The following CENPC variants were observed in gnomAD, a reference collection of about 807,000 sequenced individuals.
CENPC encodes CENP-C 1.
CENPC carries 63 observed loss-of-function variants against 112.1 expected under a neutral mutation model. That is an observed-to-expected ratio of 0.56 (90% confidence interval 0.46 to 0.69). The LOEUF (loss-of-function observed/expected upper bound fraction) is 0.69. CENPC is among the 30% of genes least tolerant of loss of function. CENPC has a pLI of 0.00. For synonymous variants in CENPC, 333 were observed against 367.6 expected (o/e 0.91, Z 1.08); for missense variants, 1,000 against 1,103.8 (o/e 0.91, Z 1.33).
chr4:67,524,005 C>A (rs1482473788), intron 5 of CENPC, among the ~76,000 whole-genome samples: 1 of 151,394 alleles, frequency 6.6e-6, no homozygotes, highest in Non-Finnish European at 1.5e-5. Context: ...AAAATTTATC[C>A]ATCAAGAAAA....
Position 67,490,085 on chromosome 4 carries a change from AC to A in CENPC, c.2551del (p.Val851LeufsTer6). On this transcript the variant is annotated frameshift_variant, in exon 17 of 19. Transcript: ENST00000273853. LOFTEE classifies it high-confidence loss of function. ...VRPQDTYQFFVKHGELKVYKT... is the reference protein window; with the variant it reads ...VRPQDTYQFFXKHGELKVYKT... ...GTATACCTTCAACTCACCATGCTTA[AC>A]AAAAAATTGATATGTATCTTGTGGC... The A allele has an allele frequency of 6.2e-7, 1 of 1,609,210 alleles. No individual in the cohort carries two copies. The highest frequency in any genetic ancestry group is 8.5e-7 in the Non-Finnish European group (1 of 1,178,070).
intron 13 of CENPC, among the ~76,000 whole-genome samples, chr4:67,494,862 A>G (rs1036901066): frequency 1.3e-5 from 2 of 152,198 alleles, no homozygotes; most frequent in African/African-American, 4.8e-5. Flanking sequence ...TGGTAGTTAC[A>G]GTTTCTTTGA....
intron 17 of CENPC, among the ~76,000 whole-genome samples, chr4:67,478,962 TA>T (rs1236328618): frequency 6.6e-6 from 1 of 151,976 alleles, no homozygotes; most frequent in Non-Finnish European, 1.5e-5. Context: ...CAACAGCAGT[TA>T]AAAAGACAAA....
At chr4:67,490,620 T>C (rs957984363) in intron 16 of CENPC, among the ~76,000 whole-genome samples, 6 of 151,740 alleles carry the variant, frequency 4.0e-5, no homozygotes, top group African/African-American at 1.4e-4. Flanking sequence ...AGATTTTTTT[T>C]CCTGCTTGAC....
intron 5 of CENPC, among the ~76,000 whole-genome samples, chr4:67,526,731 T>A (rs984457925): frequency 6.6e-6 from 1 of 152,124 alleles, no homozygotes; most frequent in Non-Finnish European, 1.5e-5. Context: ...CAATCTCTCC[T>A]TACTTAAATA....
intron 4 of CENPC, among the ~76,000 whole-genome samples, chr4:67,535,056 A>G (rs1352389601): frequency 6.6e-6 from 1 of 152,150 alleles, no homozygotes; most frequent in Admixed American, 6.5e-5. Flanking sequence ...TCACAACAGT[A>G]TTCTCAACAG....
At chr4:67,503,773 C>T (rs1725659180) in intron 12 of CENPC, among the ~76,000 whole-genome samples, 1 of 151,768 alleles carries the variant, frequency 6.6e-6, no homozygotes, top group African/African-American at 2.4e-5. Context: ...ACTAAGCATA[C>T]ACTAGACACT....
chr4:67,481,823 C>T (rs977169834), intron 17 of CENPC, among the ~76,000 whole-genome samples: 19 of 152,056 alleles, frequency 1.2e-4, no homozygotes, highest in African/African-American at 4.6e-4. Context: ...TCAGAAAAAC[C>T]CTTCCAGACA....
chr4:67,544,139 C>G lies in CENPC; in HGVS notation c.65+10G>C, dbSNP rs777869444. 7.0e-7 allele frequency: 1 copy of G among 1,429,788 alleles called. No homozygotes were observed. Among genetic ancestry groups the G allele is most frequent in the Non-Finnish European group, 9.8e-7 (1 of 1,015,412 alleles). 88.6% of individuals were successfully genotyped at this position (1,429,788 alleles called of 1,614,324 possible). ...AAAAATAATCTTAAAAGCTTAAGTA[C>G]GTAAATCACCTGGAAGGTCGACAAA... On this transcript the variant is annotated intron_variant, in intron 2 of 18. Transcript: ENST00000273853.
chr4:67,488,909 C>T (rs1415872892), intron 17 of CENPC, among the ~76,000 whole-genome samples: 2 of 151,714 alleles, frequency 1.3e-5, no homozygotes, highest in Non-Finnish European at 2.9e-5. Context: ...CCTAAATTTG[C>T]CCTTCTTTGT....
Position 67,545,473 on chromosome 4 carries a change from C to G in CENPC, c.-118G>C. On this transcript the variant is annotated 5_prime_UTR_variant, in exon 1 of 19. Transcript: ENST00000273853. ...ATACCAGGCCGCGGCCAAGCAATAA[C>G]CTTAAGTCTCAGGCGACTGCCGCGA... 3 of 1,074,624 alleles carry G rather than the reference C, an allele frequency of 2.8e-6. No homozygotes were observed. The highest frequency in any genetic ancestry group is 4.0e-5 in the South Asian group (2 of 49,918). 66.6% of individuals were successfully genotyped at this position (1,074,624 alleles called of 1,614,324 possible). A position where few individuals can be genotyped will look rare whatever the true frequency, so the allele number is the denominator to read the frequency against.
chr4:67,498,487 T>G (rs1402789928), intron 12 of CENPC, among the ~76,000 whole-genome samples: 3 of 152,214 alleles, frequency 2.0e-5, no homozygotes, highest in African/African-American at 7.2e-5. Flanking sequence ...TCTCAAACTC[T>G]GTCGCTGCTT....
chr4:67,492,317 A>G (rs1395629775), intron 15 of CENPC, 42 bp from the exon 16 acceptor site: 1 of 1,302,326 alleles, frequency 7.7e-7, no homozygotes, highest in Non-Finnish European at 1.1e-6. Flanking sequence ...ACTTACTTAA[A>G]ATTATTCTCA....
At chr4:67,522,393 A>G (rs1201914766) in intron 5 of CENPC, among the ~76,000 whole-genome samples, 1 of 152,192 alleles carries the variant, frequency 6.6e-6, no homozygotes, top group Non-Finnish European at 1.5e-5. Flanking sequence ...CCCTGGAATC[A>G]TCTGACAGCT....
intron 10 of CENPC, among the ~76,000 whole-genome samples, chr4:67,507,572 G>T (rs1171877331): frequency 6.6e-6 from 1 of 152,044 alleles, no homozygotes; most frequent in Non-Finnish European, 1.5e-5. Context: ...GATTCAAGAG[G>T]AAACAGTCTC....
intron 9 of CENPC, 116 bp from the exon 10 acceptor site, chr4:67,509,221 C>T (rs867047886): frequency 6.2e-5 from 28 of 454,668 alleles, no homozygotes; most frequent in Non-Finnish European, 8.3e-5. Flanking sequence ...CACACACACA[C>T]ACACACACAC....
In CENPC at chr4:67,470,120, A is replaced by T. The variant is rs1400238498; in HGVS notation, c.*2485T>A. 6.6e-6 allele frequency: 1 copy of T among 152,226 alleles called. No homozygotes were observed. Among genetic ancestry groups the T allele is most frequent in the African/African-American group, 2.4e-5 (1 of 41,458 alleles). 9.4% of individuals were successfully genotyped at this position (152,226 alleles called of 1,614,324 possible). On this transcript the variant is annotated 3_prime_UTR_variant, in exon 19 of 19. Coordinates refer to ENST00000273853, the MANE Select transcript of CENPC (RefSeq NM_001812.4). Reference sequence around the variant, plus strand: ...TAGAAGTTGGCTGAACAGTTGGCTGAACAGTAGGCTGCAAATGTGCAGAGC... The same window carrying T: ...TAGAAGTTGGCTGAACAGTTGGCTGTACAGTAGGCTGCAAATGTGCAGAGC...
chr4:67,484,862 G>T (rs1191794161), intron 17 of CENPC, among the ~76,000 whole-genome samples: 2 of 152,204 alleles, frequency 1.3e-5, no homozygotes, highest in South Asian at 2.1e-4. Context: ...GGGAGGCCTA[G>T]GTGGGCGGAT....
rs137885789 is a variant in CENPC at position 67,528,997 on chromosome 4, A to C, written c.331+1818T>G. On this transcript the variant is annotated intron_variant, in intron 5 of 18. Transcript: ENST00000273853. ...ACACTTATTTTCCTTTTTTTGTTTT[A>C]AATAATAGCTAACCTAGTGAGTGTA... is the stretch of plus-strand genomic sequence containing the variant. Among the ~76,000 whole-genome samples, 4 of 152,116 alleles carry C rather than the reference A, an allele frequency of 2.6e-5. No homozygotes were observed. The East Asian group carries it at 7.7e-4, about 29-fold the overall frequency.
Sources: allele counts gnomAD v4.1 joint callset (sites outside exome capture counted in the v4.1 genomes callset), GRCh38; gene constraint gnomAD v4.1.1; transcripts MANE v1.5; gene names NCBI Gene and HGNC (gene_info 2026-07-23, HGNC 2026-07-21).